LHPP: variants seen among roughly 807,000 people sequenced by gnomAD.
LHPP encodes phospholysine phosphohistidine inorganic pyrophosphate phosphatase.
LHPP carries 24 observed loss-of-function variants against 30.3 expected under a neutral mutation model. The ratio of observed to expected loss-of-function variants is 0.79; its 90% CI spans 0.57 to 1.11. LHPP has a LOEUF of 1.11. Among genes scored for constraint, LHPP ranks in the 50% most tolerant of loss-of-function variants. The pLI, the probability that LHPP is intolerant of heterozygous loss-of-function variation, is 0.00. For missense variants in LHPP, 356 were observed against 367.2 expected (o/e 0.97, Z 0.25); for synonymous variants, 150 against 157.1 (o/e 0.95, Z 0.34).
chr10:124,551,236 G>T (rs1258481975), intron 6 of LHPP, among the ~76,000 whole-genome samples: 1 of 152,136 alleles, frequency 6.6e-6, no homozygotes, highest in Non-Finnish European at 1.5e-5. Flanking sequence ...TGAGCAACTC[G>T]CCTGGGGCCC....
intron 6 of LHPP, among the ~76,000 whole-genome samples, chr10:124,563,299 C>CTT (rs1430051766): frequency 2.6e-5 from 1 of 38,346 alleles, no homozygotes; most frequent in Admixed American, 3.3e-4. Context: ...GAAACAATCT[C>CTT]TCTCTCTCTT....
chr10:124,529,265 G>T (rs1354537194), intron 6 of LHPP, among the ~76,000 whole-genome samples: 2 of 151,984 alleles, frequency 1.3e-5, no homozygotes, highest in African/African-American at 4.8e-5. Flanking sequence ...TCAATCTCCT[G>T]ACCTCGTGAT....
In LHPP at chr10:124,496,564, T is replaced by C. The variant is rs948819222; in HGVS notation, c.468-397T>C. 7.9e-5 allele frequency among the ~76,000 whole-genome samples: 12 copies of C among 152,220 alleles called. No homozygotes were observed. Among genetic ancestry groups the C allele is most frequent in the Admixed American group, 2.6e-4 (4 of 15,284 alleles). Reference sequence around the variant, plus strand: ...GGGTTAATTATTAGCAATTAGGGGTTCGCCACATACCCCGTGGACCTGCTG... The same window carrying C: ...GGGTTAATTATTAGCAATTAGGGGTCCGCCACATACCCCGTGGACCTGCTG... On this transcript the variant is annotated intron_variant, in intron 3 of 6. Transcript: ENST00000368842. This position sits in a 1 kb window ranked among gnomAD's most constrained non-coding sequence, Gnocchi z 4.3.
intron 2 of LHPP, among the ~76,000 whole-genome samples, chr10:124,486,739 C>G (rs4962619): frequency 0.4 from 60,413 of 152,212 alleles, 12,947 homozygotes; most frequent in East Asian, 0.61. Context: ...AGAGTCCAAA[C>G]TGATACAGCT....
chr10:124,484,804 T>G (rs1044341819), intron 2 of LHPP, among the ~76,000 whole-genome samples: 5 of 152,178 alleles, frequency 3.3e-5, no homozygotes, highest in African/African-American at 2.4e-5. Context: ...AGCCCTGCTC[T>G]TTGGAACAGT....
At chr10:124,477,125 C>T (rs1426576418) in intron 1 of LHPP, among the ~76,000 whole-genome samples, 1 of 152,174 alleles carries the variant, frequency 6.6e-6, no homozygotes, top group African/African-American at 2.4e-5. Context: ...ATCGCTTGAA[C>T]CTGGGAGGCA....
chr10:124,586,625 T>G (rs1232600846), intron 6 of LHPP, among the ~76,000 whole-genome samples: 3 of 151,662 alleles, frequency 2.0e-5, no homozygotes, highest in Non-Finnish European at 4.4e-5. Context: ...ACAGGGGAAG[T>G]GAGATTTGAG....
At chr10:124,565,529 A>G (rs1378482864) in intron 6 of LHPP, among the ~76,000 whole-genome samples, 1 of 152,152 alleles carries the variant, frequency 6.6e-6, no homozygotes, top group Non-Finnish European at 1.5e-5. Flanking sequence ...CTATTTTTAA[A>G]TCAATAGCTG....
chr10:124,598,451 C>T (rs771285276), intron 6 of LHPP, among the ~76,000 whole-genome samples: 7 of 152,180 alleles, frequency 4.6e-5, no homozygotes, highest in East Asian at 1.9e-4. Flanking sequence ...CCTGGCTGGG[C>T]GTGGCCTTGA....
intron 1 of LHPP, among the ~76,000 whole-genome samples, chr10:124,472,312 CAAAA>C (rs913872636): frequency 6.6e-6 from 1 of 151,780 alleles, no homozygotes; most frequent in Non-Finnish European, 1.5e-5. Flanking sequence ...GACTCTGTCT[CAAAA>C]AAAATGTTGA....
intron 6 of LHPP, among the ~76,000 whole-genome samples, chr10:124,550,422 C>T (rs952403168): frequency 1.3e-5 from 2 of 152,226 alleles, no homozygotes; most frequent in Non-Finnish European, 2.9e-5. Flanking sequence ...CCCACGCTGC[C>T]CCTGCGCCTT....
In LHPP at chr10:124,517,177, C is replaced by G. The variant is rs367881921; in HGVS notation, c.625-3C>G. The G allele has an allele frequency of 3.1e-6, 5 of 1,598,312 alleles. No individual in the cohort carries two copies. The highest frequency in any genetic ancestry group is 3.4e-6 in the Non-Finnish European group (4 of 1,172,408). On this transcript the variant is annotated splice_region_variant and splice_polypyrimidine_tract_variant and intron_variant, in intron 5 of 6. Coordinates refer to ENST00000368842, the MANE Select transcript of LHPP (RefSeq NM_022126.4). This position sits in a 1 kb window ranked among gnomAD's most constrained non-coding sequence, Gnocchi z 4.1. ...TTCTGAGCGTATTTCACTGCCGTGA[C>G]AGGCCGTCATGATTGGGGACGATAT...
intron 5 of LHPP, among the ~76,000 whole-genome samples, chr10:124,513,268 C>T (rs1954356297): frequency 6.6e-6 from 1 of 151,878 alleles, no homozygotes; most frequent in Non-Finnish European, 1.5e-5. Context: ...CCATGTTGCC[C>T]AGGCTGGTCT....
At chr10:124,578,361 G>T (rs1473274519) in intron 6 of LHPP, among the ~76,000 whole-genome samples, 1 of 152,250 alleles carries the variant, frequency 6.6e-6, no homozygotes, top group Non-Finnish European at 1.5e-5. Flanking sequence ...CCACAGGCAT[G>T]GCTTGGGGTC....
At chr10:124,484,897 G>A (rs1004268290) in intron 2 of LHPP, among the ~76,000 whole-genome samples, 2 of 152,142 alleles carry the variant, frequency 1.3e-5, no homozygotes, top group Middle Eastern at 3.2e-3. Flanking sequence ...CCTCAGTGGG[G>A]AGGTTTTCTT....
At chr10:124,482,547 T>C (rs1313047798) in intron 1 of LHPP, among the ~76,000 whole-genome samples, 3 of 152,196 alleles carry the variant, frequency 2.0e-5, no homozygotes, top group Non-Finnish European at 4.4e-5. Context: ...GCTGCCTTGT[T>C]GGGGCCGGTT....
chr10:124,547,906 G>A (rs1017527189), intron 6 of LHPP, among the ~76,000 whole-genome samples: 1 of 152,146 alleles, frequency 6.6e-6, no homozygotes. Flanking sequence ...TGGCCACACT[G>A]TCCCTTTAGA....
At chr10:124,485,118 C>G (rs1212680883) in intron 2 of LHPP, among the ~76,000 whole-genome samples, 2 of 151,926 alleles carry the variant, frequency 1.3e-5, no homozygotes, top group African/African-American at 4.8e-5. Context: ...GTGGCGGGTG[C>G]TCCCTGGAAA....
At chr10:124,578,511 A>G (rs1948698986) in intron 6 of LHPP, among the ~76,000 whole-genome samples, 2 of 152,268 alleles carry the variant, frequency 1.3e-5, no homozygotes, top group Admixed American at 6.5e-5. Flanking sequence ...GCGGGACGCA[A>G]ACGGTTACCA....
Sources: allele counts gnomAD v4.1 joint callset (sites outside exome capture counted in the v4.1 genomes callset), GRCh38; gene constraint gnomAD v4.1.1; non-coding constraint Gnocchi (gnomAD v3.1); transcripts MANE v1.5; gene names NCBI Gene and HGNC (gene_info 2026-07-23, HGNC 2026-07-21).